Variants in NFIA observed in about 807,000 individuals in gnomAD.
NFIA encodes the protein nuclear factor 1 A-type.
A neutral mutation model predicts 62.8 loss-of-function variants in NFIA; 8 were observed. The ratio of observed to expected loss-of-function variants is 0.13; its 90% CI spans 0.07 to 0.23. NFIA has a LOEUF of 0.23. NFIA is among the 10% of genes least tolerant of loss of function. NFIA has a pLI of 1.00. For missense variants in NFIA, 410 were observed against 642.1 expected (o/e 0.64, Z 3.91); for synonymous variants, 235 against 238.1 (o/e 0.99, Z 0.12).
chr1:61,089,871 C>T (rs921757693), intron 2 of NFIA, among the ~76,000 whole-genome samples: 5 of 152,066 alleles, frequency 3.3e-5, no homozygotes, highest in Non-Finnish European at 7.4e-5. Context: ...TGTTATCCAT[C>T]TGCCCTTACA....
intron 2 of NFIA, among the ~76,000 whole-genome samples, chr1:61,102,381 G>T (rs1373793648): frequency 2.6e-5 from 4 of 152,160 alleles, no homozygotes; most frequent in Admixed American, 1.3e-4. Context: ...TTTACTTGAT[G>T]ATTTTAGCAA....
rs1212332294 is a variant in NFIA, at chr1:61,458,870, C to T, written c.*3550C>T. The T allele has an allele frequency of 6.6e-6, 1 of 152,052 alleles. No homozygotes were observed. Among genetic ancestry groups the T allele is most frequent in the African/African-American group, 2.4e-5 (1 of 41,380 alleles). 9.4% of individuals were successfully genotyped at this position (152,052 alleles called of 1,614,324 possible). ...GTTTGATGAAGCTAAAATTAGGGAACTCTGAACAGATTTGCAGGAAAAAAT... is the reference window on the plus strand; with the variant it reads ...GTTTGATGAAGCTAAAATTAGGGAATTCTGAACAGATTTGCAGGAAAAAAT... On this transcript the variant is annotated 3_prime_UTR_variant, in exon 11 of 11. Transcript: ENST00000403491.
intron 2 of NFIA, among the ~76,000 whole-genome samples, chr1:61,151,824 T>C (rs531817923): frequency 6.6e-6 from 1 of 152,298 alleles, no homozygotes; most frequent in South Asian, 2.1e-4. Flanking sequence ...CCAGGGCCAC[T>C]TATGTTATAC....
chr1:61,133,587 G>C (rs1176527160), intron 2 of NFIA, among the ~76,000 whole-genome samples: 2 of 152,054 alleles, frequency 1.3e-5, no homozygotes, highest in African/African-American at 2.4e-5. Context: ...GCCTAGTGGG[G>C]GTACCATTAG....
In NFIA at chr1:61,460,605, G is replaced by T. The variant is rs943543768; in HGVS notation, c.*5285G>T. 1 of 152,104 alleles carries T rather than the reference G, an allele frequency of 6.6e-6. No homozygotes were observed. The highest frequency in any genetic ancestry group is 1.5e-5 in the Non-Finnish European group (1 of 68,014). The allele number at this position is 152,104 out of a possible 1,614,324, so 9.4% of individuals were successfully genotyped here. A position where few individuals can be genotyped will look rare whatever the true frequency, so the allele number is the denominator to read the frequency against. On this transcript the variant is annotated 3_prime_UTR_variant, in exon 11 of 11. Transcript: ENST00000403491. ...GTTTACTTCAATCCTTGCCTTTTTG[G>T]TCATTGTTATAATGCCAGCTTTAGG...
chr1:61,287,935 A>G (rs1658612618), intron 3 of NFIA, among the ~76,000 whole-genome samples: 1 of 152,192 alleles, frequency 6.6e-6, no homozygotes, highest in Non-Finnish European at 1.5e-5. Flanking sequence ...ACCCACTGAA[A>G]ATGAAATCTG....
chr1:61,249,593 G>T (rs1169425620), intron 2 of NFIA, among the ~76,000 whole-genome samples: 1 of 152,122 alleles, frequency 6.6e-6, no homozygotes, highest in Admixed American at 6.5e-5. Context: ...TTGAGGTCAG[G>T]AGTTTGACAC....
intron 3 of NFIA, among the ~76,000 whole-genome samples, chr1:61,302,188 A>G (rs1659529611): frequency 1.3e-5 from 2 of 152,274 alleles, no homozygotes; most frequent in South Asian, 2.1e-4. Flanking sequence ...AACATCTCCT[A>G]GTTTTAAATG....
At chr1:61,396,296 A>G (rs111674691) in intron 7 of NFIA, among the ~76,000 whole-genome samples, 1,632 of 152,240 alleles carry the variant, frequency 0.011, 34 homozygotes, top group African/African-American at 0.037. Flanking sequence ...CCCAGGCTAG[A>G]GTGCAGTGGT....
chr1:61,404,379 T>C, intron 8 of NFIA, 97 bp downstream of exon 8: 1 of 1,263,094 alleles, frequency 7.9e-7, no homozygotes, highest in Non-Finnish European at 1.1e-6. Flanking sequence ...TGTGCTCTAA[T>C]GTTGTGCTGA....
At chr1:61,429,271 T>C (rs951546742) in intron 10 of NFIA, among the ~76,000 whole-genome samples, 5 of 152,232 alleles carry the variant, frequency 3.3e-5, no homozygotes, top group African/African-American at 1.2e-4. Flanking sequence ...CTAATCTTTA[T>C]AGTCACCTAA....
Position 61,318,076 on chromosome 1 carries a change from C to T in NFIA, c.626-14436C>T, listed in dbSNP as rs1660464990. Among the ~76,000 whole-genome samples the T allele has an allele frequency of 2.6e-5, 4 of 151,966 alleles. No individual in the cohort carries two copies. The South Asian group carries it at 8.3e-4, about 32-fold the overall frequency. On this transcript the variant is annotated intron_variant, in intron 3 of 10. Coordinates refer to ENST00000403491, the MANE Select transcript of NFIA (RefSeq NM_001134673.4). ...ACATTTTGCCATATAGATCCCTTTA[C>T]AAGAGAAAAGACAAGTACATTGCAA...
chr1:61,333,047 G>GCACA (rs71050120), intron 4 of NFIA, among the ~76,000 whole-genome samples: 21,579 of 144,516 alleles, frequency 0.15, 1,829 homozygotes, highest in Non-Finnish European at 0.2. Flanking sequence ...TAGCATGCAC[G>GCACA]CACACACACA....
At chr1:61,175,770 C>CT (rs1650300602) in intron 2 of NFIA, among the ~76,000 whole-genome samples, 1 of 152,196 alleles carries the variant, frequency 6.6e-6, no homozygotes, top group South Asian at 2.1e-4. Flanking sequence ...GCAAGTGTCT[C>CT]TTTCCTTCTT....
intron 2 of NFIA, among the ~76,000 whole-genome samples, chr1:61,208,068 G>T (rs997362369): frequency 6.8e-6 from 1 of 147,522 alleles, no homozygotes; most frequent in African/African-American, 2.5e-5. Flanking sequence ...TAAAAAGTGA[G>T]AACTCCCAGT....
chr1:61,348,350 G>T (rs757649597), intron 4 of NFIA, among the ~76,000 whole-genome samples: 6 of 152,194 alleles, frequency 3.9e-5, no homozygotes, highest in Non-Finnish European at 8.8e-5. Context: ...TTAACTCAGG[G>T]TGTGAAACCC....
rs1668450318 is a variant in NFIA, at chr1:61,459,551, C to A, written c.*4231C>A. ...CTCCCCAGGCCCGTCCCTGCCGCCG[C>A]CAGGTGTGGGCTCTAGGCAGGCCGA... On this transcript the variant is annotated 3_prime_UTR_variant, in exon 11 of 11. Transcript: ENST00000403491. 6.6e-6 allele frequency: 1 copy of A among 152,314 alleles called. No individual in the cohort carries two copies. The highest frequency in any genetic ancestry group is 1.5e-5 in the Non-Finnish European group (1 of 68,152). The allele number at this position is 152,314 out of a possible 1,614,324, so 9.4% of individuals were successfully genotyped here. A position where few individuals can be genotyped will look rare whatever the true frequency, so the allele number is the denominator to read the frequency against.
intron 2 of NFIA, among the ~76,000 whole-genome samples, chr1:61,162,878 G>A (rs1649314302): frequency 6.6e-6 from 1 of 151,560 alleles, no homozygotes; most frequent in Admixed American, 6.6e-5. Context: ...GAAAAACAGA[G>A]TGAAAGTTTA....
chr1:61,229,724 C>T lies in NFIA; in HGVS notation c.560-47796C>T, dbSNP rs545899402. On this transcript the variant is annotated intron_variant, in intron 2 of 10. Transcript: ENST00000403491. ...AAATTTTAAATATTTTAAATGTTGA[C>T]TTTTCTACAAAAATCTGGGATACAG... 1.2e-4 allele frequency among the ~76,000 whole-genome samples: 19 copies of T among 152,246 alleles called. No homozygotes were observed. The South Asian group carries it at 2.5e-3, about 20-fold the overall frequency.
Sources: gnomAD v4.1 joint callset for allele counts (sites outside exome capture counted in the v4.1 genomes callset) on GRCh38, gnomAD v4.1.1 for gene constraint, MANE v1.5 for transcripts, NCBI Gene and HGNC (gene_info 2026-07-23, HGNC 2026-07-21) for gene names.